Variants in RBFOX1 observed in about 807,000 individuals in gnomAD.
The protein encoded by RBFOX1 is RNA binding fox-1 homolog 1.
Under a neutral mutation model 57.7 loss-of-function variants are expected in RBFOX1, and 8 were observed. The observed-to-expected ratio is 0.14, with a 90% confidence interval of 0.08 to 0.25. The LOEUF (loss-of-function observed/expected upper bound fraction) is 0.25, where lower values mean the gene tolerates loss of function less well. Among genes scored for constraint, RBFOX1 ranks in the 10% least tolerant of loss-of-function variants. RBFOX1 has a pLI of 1.00. For missense variants in RBFOX1, 611 were observed against 548.5 expected, an observed-to-expected ratio of 1.11 and a Z score of -1.14; for synonymous variants, 326 against 222.4, an observed-to-expected ratio of 1.47 and a Z score of -4.15.
chr16:7,699,230 C>T (rs1028601339), intron 14 of RBFOX1, among the ~76,000 whole-genome samples: 13 of 152,040 alleles, frequency 8.6e-5, no homozygotes, highest in African/African-American at 3.1e-4. Context: ...GTCATCCAGG[C>T]TGGAGAGTTC....
intron 4 of RBFOX1, among the ~76,000 whole-genome samples, chr16:7,162,590 T>C (rs1190275113): frequency 7.1e-6 from 1 of 140,190 alleles, no homozygotes; most frequent in African/African-American, 2.7e-5. Context: ...AAAAAAACAT[T>C]GCCAGGTACG....
chr16:6,039,569 T>C (rs779198555), intron 1 of RBFOX1, among the ~76,000 whole-genome samples: 2 of 152,102 alleles, frequency 1.3e-5, no homozygotes, highest in African/African-American at 4.8e-5. Flanking sequence ...ACTGAATAAT[T>C]ATGCATTTCT....
At chr16:6,909,527 C>T (rs2071007713) in intron 3 of RBFOX1, among the ~76,000 whole-genome samples, 1 of 152,216 alleles carries the variant, frequency 6.6e-6, no homozygotes, top group African/African-American at 2.4e-5. Context: ...AGGCGTTCCA[C>T]CTGTGTGATG....
chr16:5,260,002 A>AC (rs528827182), intron 1 of RBFOX1, among the ~76,000 whole-genome samples: 1 of 152,178 alleles, frequency 6.6e-6, no homozygotes, highest in Non-Finnish European at 1.5e-5. Context: ...AGAGTTTGAG[A>AC]CCAGCCTGGA....
intron 2 of RBFOX1, among the ~76,000 whole-genome samples, chr16:6,542,998 C>G (rs1365732708): frequency 6.6e-6 from 1 of 152,130 alleles, no homozygotes; most frequent in Non-Finnish European, 1.5e-5. Context: ...TTTATCATTC[C>G]TCCTCCTCTC....
At chr16:7,387,704 T>C (rs1182505708) in intron 4 of RBFOX1, among the ~76,000 whole-genome samples, 1 of 152,156 alleles carries the variant, frequency 6.6e-6, no homozygotes, top group Non-Finnish European at 1.5e-5. Context: ...CGGTGGCAGC[T>C]GTGGGCCATC....
chr16:5,684,213 G>C (rs909338169), intron 3 of RBFOX1, among the ~76,000 whole-genome samples: 1 of 152,112 alleles, frequency 6.6e-6, no homozygotes, highest in African/African-American at 2.4e-5. Context: ...CCTCTTCGAG[G>C]GCTGACAGGA....
At chr16:5,914,317 G>A (rs1453996415) in intron 4 of RBFOX1, among the ~76,000 whole-genome samples, 1 of 152,234 alleles carries the variant, frequency 6.6e-6, no homozygotes, top group Non-Finnish European at 1.5e-5. Context: ...TGTTGGGTCA[G>A]AAATTAGGAA....
chr16:6,661,742 C>T (rs543450902), intron 3 of RBFOX1, among the ~76,000 whole-genome samples: 1 of 152,260 alleles, frequency 6.6e-6, no homozygotes, highest in East Asian at 1.9e-4. Context: ...CTGGGTTGCC[C>T]CTTCCTTGTG....
At chr16:5,707,087 C>G (rs73518024) in intron 3 of RBFOX1, among the ~76,000 whole-genome samples, 7,325 of 152,212 alleles carry the variant, frequency 0.048, 571 homozygotes, top group African/African-American at 0.16. Context: ...ATGAGAAACA[C>G]CCAGCCAGCC....
intron 3 of RBFOX1, among the ~76,000 whole-genome samples, chr16:5,828,611 A>T (rs2056158399): frequency 6.6e-6 from 1 of 152,144 alleles, no homozygotes; most frequent in African/African-American, 2.4e-5. Context: ...AGGCAGGAGG[A>T]TCGGTTGAAC....
chr16:7,093,273 T>G (rs540131746), intron 4 of RBFOX1, among the ~76,000 whole-genome samples: 19 of 152,182 alleles, frequency 1.2e-4, no homozygotes, highest in Non-Finnish European at 2.6e-4. Context: ...GTTCATTATA[T>G]TATCCCTTAT....
intron 14 of RBFOX1, among the ~76,000 whole-genome samples, chr16:7,683,711 T>C (rs1180653532): frequency 6.6e-6 from 1 of 152,070 alleles, no homozygotes; most frequent in Non-Finnish European, 1.5e-5. Context: ...AGCCTGTCTT[T>C]TCAGTAGCAG....
intron 4 of RBFOX1, among the ~76,000 whole-genome samples, chr16:7,154,920 A>G (rs988705254): frequency 3.3e-5 from 5 of 152,144 alleles, no homozygotes; most frequent in East Asian, 1.9e-4. Context: ...AACTTTGCAT[A>G]ATGAGTGAGA....
chr16:7,494,728 A>G (rs1437300447), intron 4 of RBFOX1, among the ~76,000 whole-genome samples: 1 of 152,000 alleles, frequency 6.6e-6, no homozygotes, highest in African/African-American at 2.4e-5. Context: ...CATTTGAACA[A>G]CAGGCCTTCT....
intron 4 of RBFOX1, among the ~76,000 whole-genome samples, chr16:7,337,829 C>T (rs920869194): frequency 1.3e-5 from 2 of 152,108 alleles, no homozygotes; most frequent in African/African-American, 4.8e-5. Flanking sequence ...GGATTACAGG[C>T]ACGTGCCACC....
chr16:6,751,558 T>C (rs1163385491), intron 3 of RBFOX1, among the ~76,000 whole-genome samples: 2 of 152,128 alleles, frequency 1.3e-5, no homozygotes, highest in East Asian at 3.9e-4. Context: ...ACTAGAAAGG[T>C]AGAACATACA....
intron 3 of RBFOX1, among the ~76,000 whole-genome samples, chr16:6,971,267 C>A (rs372441302): frequency 1.3e-5 from 2 of 152,080 alleles, no homozygotes; most frequent in African/African-American, 4.8e-5. Flanking sequence ...TTCTGGAACA[C>A]CTTGGGGATT....
At chr16:6,386,686 G>A (rs755764168) in intron 2 of RBFOX1, among the ~76,000 whole-genome samples, 35 of 152,224 alleles carry the variant, frequency 2.3e-4, no homozygotes, top group Non-Finnish European at 4.4e-4. Context: ...AATAGTGTCT[G>A]ACACATAGTA....
Sources: gnomAD v4.1 joint callset for allele counts (sites outside exome capture counted in the v4.1 genomes callset) on GRCh38, gnomAD v4.1.1 for gene constraint, MANE v1.5 for transcripts, NCBI Gene and HGNC (gene_info 2026-07-23, HGNC 2026-07-21) for gene names.